The following MFNG variants were observed in gnomAD, a reference collection of about 807,000 sequenced individuals.
MFNG encodes the protein MFNG O-fucosylpeptide 3-beta-N-acetylglucosaminyltransferase.
In MFNG, 24 loss-of-function variants were observed where a neutral mutation model predicts 34.2. The ratio of observed to expected loss-of-function variants is 0.70; its 90% confidence interval spans 0.51 to 0.99. The LOEUF (loss-of-function observed/expected upper bound fraction) is 0.99. Among genes scored for constraint, MFNG ranks in the 50% least tolerant of loss-of-function variants. MFNG has a pLI of 0.00. For synonymous variants in MFNG, 158 were observed against 179.2 expected (o/e 0.88, Z 0.94); for missense variants, 383 against 424.0 (o/e 0.90, Z 0.85).
chr22:37,474,523 G>C lies in MFNG; in HGVS notation c.802C>G (p.Leu268Val), dbSNP rs763667469. The part of the protein sequence containing the change: ...ETLQLLRTAQ[L>V]PEQVTLSYGV... Reference sequence around the variant, plus strand: ...CAAGGCCAGCTCACCTGTTCTGGGAGCTGTGCAGTCCTCAGCAGCTGCAGG... The same window carrying C: ...CAAGGCCAGCTCACCTGTTCTGGGACCTGTGCAGTCCTCAGCAGCTGCAGG... The change falls in exon 6 of 8, where the codon CTC (leucine) becomes GTC (valine). Residue 268 changes from leucine (L) to valine (V), a missense_variant. Leu to Val is a conservative substitution (Grantham distance 32). Transcript: ENST00000356998. 79 of 1,613,884 alleles carry C rather than the reference G, an allele frequency of 4.9e-5. No individual in the cohort carries two copies. The highest frequency in any genetic ancestry group is 6.6e-5 in the Non-Finnish European group (78 of 1,179,910).
intron 1 of MFNG, 148 bp from the exon 2 acceptor site, chr22:37,480,917 A>G: frequency 1.5e-6 from 1 of 675,918 alleles, no homozygotes; most frequent in Non-Finnish European, 2.6e-6. Flanking sequence ...CTCCTTTAGG[A>G]CAACATACAA....
At chr22:37,481,128 C>A in intron 1 of MFNG, 1 of 286,452 alleles carries the variant, frequency 3.5e-6, no homozygotes, top group Non-Finnish European at 6.7e-6. Context: ...CTCGGCTCCT[C>A]CACAATCACA....
chr22:37,471,528 CAGAATCACAAG>C (rs1451582963), intron 7 of MFNG, among the ~76,000 whole-genome samples: 1 of 152,126 alleles, frequency 6.6e-6, no homozygotes, highest in African/African-American at 2.4e-5. Context: ...CACCCCTGGC[CAGAATCACAAG>C]CCATAGCTGG....
In MFNG at chr22:37,486,161, G is replaced by T; in HGVS notation, c.17C>A (p.Pro6Gln). The T allele has an allele frequency of 1.3e-6, 2 of 1,580,984 alleles. No individual in the cohort carries two copies. The change falls in exon 1 of 8, where the codon CCG (proline) becomes CAG (glutamine). Residue 6 changes from proline to glutamine, a missense_variant. Physicochemically the swap from Pro to Gln is moderately conservative, Grantham distance 76. Coordinates refer to ENST00000356998, the MANE Select transcript of MFNG (RefSeq NM_002405.4). ...GAGGAGGGCTCCAGCCAGGCCCCGC[G>T]GGAGCCGGCACTGCATTGGTTGGCC... The part of the protein sequence containing the change: MQCRL[P>Q]RGLAGALLTL...
At position 37,476,448 on chromosome 22, in the gene MFNG, G is replaced by A. The variant is rs996855900; in HGVS notation, c.647+448C>T. ...CCAGCTCAAATACCACCTCTTCCTGGAAGCCTTCCCTTCTTCCCTCACCCA... is the reference window on the plus strand; with the variant it reads ...CCAGCTCAAATACCACCTCTTCCTGAAAGCCTTCCCTTCTTCCCTCACCCA... On this transcript the variant is annotated intron_variant, in intron 5 of 7. Coordinates refer to ENST00000356998, the MANE Select transcript of MFNG (RefSeq NM_002405.4). Among the ~76,000 whole-genome samples, 5 of 151,940 alleles carry A rather than the reference G, an allele frequency of 3.3e-5. 1 individual carries two copies. The highest frequency in any genetic ancestry group is 3.3e-4 in the Admixed American group (5 of 15,252).
chr22:37,485,380 C>A lies in MFNG; in HGVS notation c.255+543G>T, dbSNP rs934405838. 1.3e-5 allele frequency among the ~76,000 whole-genome samples: 2 copies of A among 152,336 alleles called. No homozygotes were observed. The highest frequency in any genetic ancestry group is 4.8e-5 in the African/African-American group (2 of 41,586). ...GGCAGCAGAGACACAGCGGCAGGGG[C>A]TATCGGGAAGGCCGAAGGGATGCCT... is the stretch of plus-strand genomic sequence containing the variant. On this transcript the variant is annotated intron_variant, in intron 1 of 7. Transcript: ENST00000356998. This position sits in a 1 kb window ranked among gnomAD's most constrained non-coding sequence, Gnocchi z 5.3.
rs746605066 is a variant in MFNG at position 37,483,379 on chromosome 22, A to C, written c.255+2544T>G. ...ACAGCCTCAAGGGATCCTATCAAAG[A>C]AACCAGGCCTTTCCTACCCTGCCCT... On this transcript the variant is annotated intron_variant, in intron 1 of 7. Coordinates refer to ENST00000356998, the MANE Select transcript of MFNG (RefSeq NM_002405.4). This position sits in a 1 kb window ranked among gnomAD's most constrained non-coding sequence, Gnocchi z 4.5. Among the ~76,000 whole-genome samples, 11 of 151,954 alleles carry C rather than the reference A, an allele frequency of 7.2e-5. No homozygotes were observed. Among genetic ancestry groups the C allele is most frequent in the Non-Finnish European group, 1.5e-4 (10 of 68,004 alleles).
At position 37,479,416 on chromosome 22, in the gene MFNG, C is replaced by T. The variant is rs1465636512; in HGVS notation, c.490G>A (p.Asp164Asn). 4 of 1,608,826 alleles carry T rather than the reference C, an allele frequency of 2.5e-6. No individual in the cohort carries two copies. Among genetic ancestry groups the T allele is most frequent in the Non-Finnish European group, 3.4e-6 (4 of 1,177,796 alleles). ...QLLRAFPLAR[D>N]VYVGRPSLNR... Reference sequence around the variant, plus strand: ...AGGCTGGGCCTTCCCACATAGACGTCGCGGGCCAGCGGGAAGGCTCTCAGA... The same window carrying T: ...AGGCTGGGCCTTCCCACATAGACGTTGCGGGCCAGCGGGAAGGCTCTCAGA... The change falls in exon 4 of 8, where the codon GAC becomes AAC. Residue 164 changes from aspartate (D) to asparagine (N), a missense_variant. By Grantham distance (23) the Asp-to-Asn change is conservative. Transcript: ENST00000356998.
chr22:37,471,606 G>C (rs574390249), intron 7 of MFNG, among the ~76,000 whole-genome samples: 4 of 152,062 alleles, frequency 2.6e-5, no homozygotes, highest in Admixed American at 2.0e-4. Context: ...CAAGGCAGGC[G>C]GATCACTTGA....
In MFNG at chr22:37,472,449, G is replaced by A. The variant is rs1921851946; in HGVS notation, c.893C>T (p.Pro298Leu). 6.3e-7 allele frequency: 1 copy of A among 1,582,140 alleles called. No homozygotes were observed. The highest frequency in any genetic ancestry group is 8.6e-7 in the Non-Finnish European group (1 of 1,167,912). ...TTCCAGCCCCCAGACCCACCTGGAG[G>A]GGTCCTCCTCCGGGGAGAAGGGGCC... Reference protein sequence around the residue: ...LQGPFSPEEDPSRFRSLHCLL... With the variant: ...LQGPFSPEEDLSRFRSLHCLL... Residue 298 changes from proline (P) to leucine (L), a missense_variant, in exon 7 of 8, where the codon CCC becomes CTC. Physicochemically the swap from Pro to Leu is moderately conservative, Grantham distance 98 (BLOSUM62 -3). Coordinates refer to ENST00000356998, the MANE Select transcript of MFNG (RefSeq NM_002405.4).
In MFNG at chr22:37,480,223, G is replaced by A. The variant is rs760606489; in HGVS notation, c.381C>T (p.Phe127=). 3.4e-5 allele frequency: 54 copies of A among 1,611,436 alleles called. No homozygotes were observed. Among genetic ancestry groups the A allele is most frequent in the South Asian group, 2.4e-4 (22 of 90,964 alleles). ...PALSCKMAAE[F]DTFLASGLRW... ...TAAGCCCACTGGCCAAGAAGGTGTC[G>A]AACTCAGCAGCCATCTTGCAGGACA... The change falls in exon 3 of 8, where the codon TTC becomes TTT. Residue 127 remains phenylalanine, a synonymous_variant. Coordinates refer to ENST00000356998, the MANE Select transcript of MFNG (RefSeq NM_002405.4).
chr22:37,480,267 C>G lies in MFNG; in HGVS notation c.337G>C (p.Glu113Gln). 6.2e-7 allele frequency: 1 copy of G among 1,613,744 alleles called. No homozygotes were observed. ...CAGGACAGAGCTGGGTGGCTGTGTTCCGCGGAGCAGTTGGTGACCACAAGG... is the reference window on the plus strand; with the variant it reads ...CAGGACAGAGCTGGGTGGCTGTGTTGCGCGGAGCAGTTGGTGACCACAAGG... The part of the protein sequence containing the change: ...SHLVVTNCSA[E>Q]HSHPALSCKM... Residue 113 changes from glutamate (E) to glutamine (Q), a missense_variant, in exon 3 of 8, where the codon GAA becomes CAA. By Grantham distance (29) the Glu-to-Gln change is conservative (BLOSUM62 2). Transcript: ENST00000356998.
At chr22:37,477,382 T>A (rs1043371887) in intron 4 of MFNG, among the ~76,000 whole-genome samples, 1 of 151,992 alleles carries the variant, frequency 6.6e-6, no homozygotes, top group Non-Finnish European at 1.5e-5. Flanking sequence ...TGACGGGGCC[T>A]GAGTGTGCAT....
chr22:37,480,165 A>G (rs757734301), intron 3 of MFNG, 32 bp downstream of exon 3: 6 of 1,559,872 alleles, frequency 3.8e-6, no homozygotes, highest in Non-Finnish European at 4.4e-6. Context: ...GGCCCAGACC[A>G]CACTTATCCC....
rs942036832 is a variant in MFNG, at chr22:37,485,658, G to A, written c.255+265C>T. Among the ~76,000 whole-genome samples the A allele has an allele frequency of 1.3e-5, 2 of 152,220 alleles. No homozygotes were observed. Among genetic ancestry groups the A allele is most frequent in the African/African-American group, 4.8e-5 (2 of 41,464 alleles). On this transcript the variant is annotated intron_variant, in intron 1 of 7. Transcript: ENST00000356998. This position sits in a 1 kb window ranked among gnomAD's most constrained non-coding sequence, Gnocchi z 5.3. ...ACCCCCAGGAGGGACCCGGGAGCCT[G>A]GAGCAGGGGCCCAGCCTGGCCCCCA...
At position 37,486,299 on chromosome 22, in the gene MFNG, G is replaced by A. The variant is rs1238053004; in HGVS notation, c.-122C>T. On this transcript the variant is annotated 5_prime_UTR_variant, in exon 1 of 8. Coordinates refer to ENST00000356998, the MANE Select transcript of MFNG (RefSeq NM_002405.4). ...CTGGCAGGCATCAGGGGCTGGCAAG[G>A]AGGGAAGAGGTAGGAGCTGAGGCTC... is the stretch of plus-strand genomic sequence containing the variant. 1.7e-6 allele frequency: 2 copies of A among 1,166,152 alleles called. No homozygotes were observed. Among genetic ancestry groups the A allele is most frequent in the East Asian group, 5.5e-5 (2 of 36,508 alleles). 72.2% of individuals were successfully genotyped at this position (1,166,152 alleles called of 1,614,324 possible). A position where few individuals can be genotyped will look rare whatever the true frequency, so the allele number is the denominator to read the frequency against.
intron 3 of MFNG, 83 bp from the exon 4 acceptor site, chr22:37,479,581 G>C: frequency 6.5e-7 from 1 of 1,543,106 alleles, no homozygotes; most frequent in Non-Finnish European, 8.8e-7. Context: ...TCGGTCAACA[G>C]TGACGGAATG....
chr22:37,470,097 T>G (rs1921742144), intron 7 of MFNG, 68 bp from the exon 8 acceptor site: 2 of 1,233,828 alleles, frequency 1.6e-6, no homozygotes, highest in African/African-American at 1.5e-5. Flanking sequence ...CTCTCCTAGG[T>G]GCACACATGC....
At position 37,476,999 on chromosome 22, in the gene MFNG, C is replaced by A; in HGVS notation, c.562-18G>T. On this transcript the variant is annotated intron_variant, in intron 4 of 7. Transcript: ENST00000356998. ...ACCAGCCTCTGAGAGAGAGGAAGGC[C>A]AAGGGGCAGAGTGAGCCTGGTGGCA... is the stretch of plus-strand genomic sequence containing the variant. 6.2e-7 allele frequency: 1 copy of A among 1,611,564 alleles called. No individual in the cohort carries two copies. Among genetic ancestry groups the A allele is most frequent in the Non-Finnish European group, 8.5e-7 (1 of 1,177,790 alleles).
Sources: allele counts gnomAD v4.1 joint callset (sites outside exome capture counted in the v4.1 genomes callset), GRCh38; gene constraint gnomAD v4.1.1; non-coding constraint Gnocchi (gnomAD v3.1); transcripts MANE v1.5; gene names NCBI Gene and HGNC (gene_info 2026-07-23, HGNC 2026-07-21).